The following THSD4 variants were observed in gnomAD, a reference collection of about 807,000 sequenced individuals.
THSD4 encodes thrombospondin type 1 domain containing 4.
Under a neutral mutation model 119.0 loss-of-function variants are expected in THSD4, and 69 were observed. The observed-to-expected ratio is 0.58, with a 90% CI of 0.48 to 0.71. The LOEUF (loss-of-function observed/expected upper bound fraction) is 0.71. THSD4 is among the 30% of genes least tolerant of loss of function. The pLI is 0.00. For missense variants in THSD4, 1,393 were observed against 1,391.1 expected (o/e 1.00, Z -0.02); for synonymous variants, 524 against 540.4 (o/e 0.97, Z 0.42).
At chr15:71,373,828 T>C (rs572338743) in intron 6 of THSD4, among the ~76,000 whole-genome samples, 8 of 152,314 alleles carry the variant, frequency 5.3e-5, no homozygotes, top group African/African-American at 1.9e-4. Flanking sequence ...AGTGTTCCCG[T>C]TGAGAGTGAG....
chr15:71,713,097 A>G (rs1384372502), intron 8 of THSD4, among the ~76,000 whole-genome samples: 1 of 152,346 alleles, frequency 6.6e-6, no homozygotes, highest in African/African-American at 2.4e-5. Context: ...AAACCTGGGA[A>G]GTTTAGTTTA....
intron 7 of THSD4, among the ~76,000 whole-genome samples, chr15:71,655,886 G>A (rs2051180903): frequency 6.6e-6 from 1 of 152,202 alleles, no homozygotes; most frequent in Admixed American, 6.5e-5. Flanking sequence ...TCCTTGGGAA[G>A]AAGATCTGGA....
At chr15:71,370,071 A>C (rs1013068136) in intron 6 of THSD4, among the ~76,000 whole-genome samples, 2 of 151,842 alleles carry the variant, frequency 1.3e-5, no homozygotes, top group African/African-American at 4.8e-5. Flanking sequence ...TTTTGTGTAG[A>C]GGTGTTTATA....
chr15:71,736,174 T>A (rs570058707), intron 10 of THSD4, among the ~76,000 whole-genome samples: 12 of 114,850 alleles, frequency 1.0e-4, no homozygotes, highest in African/African-American at 3.5e-4. Context: ...TCTCTGTCTC[T>A]CTCACACTCT....
At chr15:71,493,753 C>T (rs1211731206) in intron 7 of THSD4, among the ~76,000 whole-genome samples, 1 of 152,238 alleles carries the variant, frequency 6.6e-6, no homozygotes, top group Admixed American at 6.5e-5. Flanking sequence ...CACACTATTT[C>T]TTGCCACTCC....
In THSD4 at chr15:71,496,905, A is replaced by G. The variant is rs550403523; in HGVS notation, c.1152+85082A>G. 1.1e-3 allele frequency among the ~76,000 whole-genome samples: 160 copies of G among 152,254 alleles called. 1 individual carries two copies. The highest frequency in any genetic ancestry group is 2.4e-3 in the Admixed American group (36 of 15,306). Reference sequence around the variant, plus strand: ...AGGGTTGGTAGCAGCTAAAAATGAGATCAACCGCTCCAGGAGCATTTGCTG... The same window carrying G: ...AGGGTTGGTAGCAGCTAAAAATGAGGTCAACCGCTCCAGGAGCATTTGCTG... On this transcript the variant is annotated intron_variant, in intron 7 of 17. Transcript: ENST00000261862.
rs2053137964 is a variant in THSD4 at position 71,737,581 on chromosome 15, G to C, written c.1631-151G>C. 4.8e-6 allele frequency: 5 copies of C among 1,051,168 alleles called. No individual in the cohort carries two copies. The South Asian group carries it at 1.0e-4, about 21-fold the overall frequency. The allele number at this position is 1,051,168 out of a possible 1,614,324, so 65.1% of individuals were successfully genotyped here. ...TTGCATGTGAGGGAAAGCACTAGTA[G>C]GTGTCTGCTTATTTTAAACAGATGT... On this transcript the variant is annotated intron_variant, in intron 10 of 17. Coordinates refer to ENST00000261862, the MANE Select transcript of THSD4 (RefSeq NM_024817.3).
rs1460825397 is a variant in THSD4, at chr15:71,660,754, A to T, written c.1357+20A>T. On this transcript the variant is annotated intron_variant, in intron 8 of 17. Transcript: ENST00000261862. ...ATTTGGGTAAGCTTGGTCTTTTTCC[A>T]GAGAAAACCGTCTGTCCCTGCCAGA... 1.2e-6 allele frequency: 2 copies of T among 1,613,566 alleles called. No homozygotes were observed. The highest frequency in any genetic ancestry group is 3.3e-5 in the Admixed American group (2 of 60,020).
chr15:71,765,285 G>C, intron 16 of THSD4, 86 bp downstream of exon 16: 2 of 1,454,370 alleles, frequency 1.4e-6, no homozygotes, highest in Non-Finnish European at 9.2e-7. Context: ...CCAGGCACTG[G>C]GTTCAGCCCT....
At chr15:71,515,462 C>T (rs1343137330) in intron 7 of THSD4, among the ~76,000 whole-genome samples, 1 of 152,124 alleles carries the variant, frequency 6.6e-6, no homozygotes, top group Non-Finnish European at 1.5e-5. Context: ...TGGCCGCGTC[C>T]TTGTCTGTAG....
chr15:71,181,274 G>A (rs2043522558), intron 3 of THSD4, among the ~76,000 whole-genome samples: 1 of 152,154 alleles, frequency 6.6e-6, no homozygotes, highest in Admixed American at 6.5e-5. Flanking sequence ...GGAGTAAAGA[G>A]ACCTTATTAA....
intron 7 of THSD4, among the ~76,000 whole-genome samples, chr15:71,622,540 C>T (rs2050436209): frequency 6.6e-6 from 1 of 152,158 alleles, no homozygotes; most frequent in Non-Finnish European, 1.5e-5. Flanking sequence ...TGCAACTTAG[C>T]ATTTGGCCTT....
chr15:71,652,088 G>T (rs918325985), intron 7 of THSD4, among the ~76,000 whole-genome samples: 4 of 152,198 alleles, frequency 2.6e-5, no homozygotes, highest in Non-Finnish European at 5.9e-5. Flanking sequence ...CTGGATCAGA[G>T]TTCATCAACC....
chr15:71,348,418 A>G (rs1735995908), intron 6 of THSD4: 1 of 152,194 alleles, frequency 6.6e-6, no homozygotes, highest in Non-Finnish European at 1.5e-5. Context: ...GGAAGCTCAG[A>G]ATTGTCAACA....
At chr15:71,623,015 G>A (rs2050445957) in intron 7 of THSD4, among the ~76,000 whole-genome samples, 1 of 152,010 alleles carries the variant, frequency 6.6e-6, no homozygotes, top group Admixed American at 6.6e-5. Flanking sequence ...TGGTTGGATG[G>A]CTCCAGCAGT....
chr15:71,501,251 T>A (rs920551937), intron 7 of THSD4, among the ~76,000 whole-genome samples: 2 of 152,238 alleles, frequency 1.3e-5, no homozygotes, highest in Non-Finnish European at 2.9e-5. Context: ...AATTCACACA[T>A]ATTCGGCACT....
intron 7 of THSD4, among the ~76,000 whole-genome samples, chr15:71,619,597 C>G (rs1009447209): frequency 3.9e-5 from 6 of 152,180 alleles, no homozygotes; most frequent in African/African-American, 1.2e-4. Flanking sequence ...GTTTTACCCC[C>G]AGTTGGTGAT....
chr15:71,684,595 A>G (rs1242446329), intron 8 of THSD4, among the ~76,000 whole-genome samples: 5 of 150,724 alleles, frequency 3.3e-5, no homozygotes, highest in African/African-American at 1.2e-4. Flanking sequence ...AAAGTTTTCT[A>G]TATTATCCTT....
intron 7 of THSD4, among the ~76,000 whole-genome samples, chr15:71,636,145 G>C (rs537808519): frequency 6.6e-6 from 1 of 152,228 alleles, no homozygotes; most frequent in Admixed American, 6.5e-5. Flanking sequence ...AAATAGACCA[G>C]GCGCAGTGGC....
Sources: allele counts gnomAD v4.1 joint callset (sites outside exome capture counted in the v4.1 genomes callset), GRCh38; gene constraint gnomAD v4.1.1; transcripts MANE v1.5; gene names NCBI Gene and HGNC (gene_info 2026-07-23, HGNC 2026-07-21).